The following RBM20 variants were observed in gnomAD, a reference collection of about 807,000 sequenced individuals.
RBM20 encodes RNA binding motif protein 20.
Under a neutral mutation model 110.1 loss-of-function variants are expected in RBM20, and 51 were observed. The observed-to-expected ratio is 0.46, with a 90% CI of 0.37 to 0.59. The LOEUF is 0.59. Ranked by LOEUF, RBM20 falls within the 20% of genes least tolerant of loss-of-function variation. RBM20 has a pLI of 0.00. For missense variants in RBM20, 1,512 were observed against 1,574.9 expected, an observed-to-expected ratio of 0.96 and a Z score of 0.68; for synonymous variants, 589 against 618.2, an observed-to-expected ratio of 0.95 and a Z score of 0.70.
At chr10:110,798,066 A>G (rs1436227304) in intron 6 of RBM20, among the ~76,000 whole-genome samples, 1 of 152,108 alleles carries the variant, frequency 6.6e-6, no homozygotes, top group Non-Finnish European at 1.5e-5. Context: ...GGGACTAGGT[A>G]TTTTTCCTGG....
At chr10:110,816,919 C>G (rs1564662831) in intron 9 of RBM20, among the ~76,000 whole-genome samples, 1 of 152,208 alleles carries the variant, frequency 6.6e-6, no homozygotes. Flanking sequence ...ATATCCTGAG[C>G]TCTCTGGAGA....
At position 110,644,611 on chromosome 10, in the gene RBM20, C is replaced by G; in HGVS notation, c.157C>G (p.Pro53Ala). The change falls in exon 1 of 14, where the codon CCG becomes GCG. Residue 53 changes from proline to alanine, a missense_variant. By Grantham distance (27) the Pro-to-Ala change is conservative. Around this residue, in one of 3 missense-constraint regions of RBM20, gnomAD observed 1,149 missense variants for 1,169.4 expected, o/e 0.98. Coordinates refer to ENST00000369519, the MANE Select transcript of RBM20 (RefSeq NM_001134363.3). This position sits in a 1 kb window ranked among gnomAD's most constrained non-coding sequence, Gnocchi z 4.3. ...GCCGCCGCCGCCCCAGCCACCGCCC[C>G]CGCCCCAAGCCGGCCTACCCCAGAT... ...QPPPPPQPPP[P>A]PQAGLPQIIQ... The G allele has an allele frequency of 2.0e-6, 3 of 1,519,306 alleles. No individual in the cohort carries two copies. The highest frequency in any genetic ancestry group is 2.6e-6 in the Non-Finnish European group (3 of 1,137,178). The allele number at this position is 1,519,306 out of a possible 1,614,324, so 94.1% of individuals were successfully genotyped here. A position where few individuals can be genotyped will look rare whatever the true frequency, so the allele number is the denominator to read the frequency against.
chr10:110,652,158 T>G (rs1861958690), intron 1 of RBM20, among the ~76,000 whole-genome samples: 1 of 152,220 alleles, frequency 6.6e-6, no homozygotes, highest in African/African-American at 2.4e-5. Context: ...ATGCTGCTAT[T>G]TTGCATTGAT....
intron 5 of RBM20, among the ~76,000 whole-genome samples, chr10:110,789,250 T>C (rs1019332073): frequency 3.3e-5 from 5 of 152,146 alleles, no homozygotes; most frequent in Non-Finnish European, 5.9e-5. Flanking sequence ...GAAATGAGCC[T>C]TCAGATTATA....
At position 110,834,181 on chromosome 10, in the gene RBM20, C is replaced by T. The variant is rs143580277; in HGVS notation, c.3574-1687C>T. 7.1e-4 allele frequency among the ~76,000 whole-genome samples: 108 copies of T among 152,296 alleles called. 1 individual carries two copies. The Middle Eastern group carries it at 0.017, about 24-fold the overall frequency. Reference sequence around the variant, plus strand: ...ACCTGCTTGGCTCCAGGCCCTGGAGCGGAATGTGTCCACGTACTGGGCGCT... The same window carrying T: ...ACCTGCTTGGCTCCAGGCCCTGGAGTGGAATGTGTCCACGTACTGGGCGCT... On this transcript the variant is annotated intron_variant, in intron 13 of 13. Coordinates refer to ENST00000369519, the MANE Select transcript of RBM20 (RefSeq NM_001134363.3).
rs544773383 is a variant in RBM20 at position 110,838,227 on chromosome 10, G to A, written c.*2249G>A. ...ATTCTATTTTATAGAATGACATGTT[G>A]CCCAATTCTAGAATCAAAAATAAAG... is the stretch of plus-strand genomic sequence containing the variant. On this transcript the variant is annotated 3_prime_UTR_variant, in exon 14 of 14. Coordinates refer to ENST00000369519, the MANE Select transcript of RBM20 (RefSeq NM_001134363.3). 2.0e-5 allele frequency: 3 copies of A among 152,230 alleles called. No homozygotes were observed. Among genetic ancestry groups the A allele is most frequent in the Non-Finnish European group, 4.4e-5 (3 of 68,010 alleles). 9.4% of individuals were successfully genotyped at this position (152,230 alleles called of 1,614,324 possible).
chr10:110,773,275 G>A (rs1374811791), intron 1 of RBM20, among the ~76,000 whole-genome samples: 2 of 152,192 alleles, frequency 1.3e-5, no homozygotes, highest in East Asian at 3.8e-4. Context: ...CAGATACACA[G>A]ACAGATAGAC....
chr10:110,767,671 C>A (rs1393234775), intron 1 of RBM20, among the ~76,000 whole-genome samples: 1 of 151,166 alleles, frequency 6.6e-6, no homozygotes, highest in South Asian at 2.1e-4. Flanking sequence ...CGGGTAGAGG[C>A]GCTCCTCACA....
Position 110,727,083 on chromosome 10 carries a change from A to G in RBM20, c.192-53718A>G, listed in dbSNP as rs181904854. 4.0e-5 allele frequency among the ~76,000 whole-genome samples: 6 copies of G among 149,074 alleles called. No individual in the cohort carries two copies. In the East Asian group the frequency reaches 5.9e-4, roughly 15 times the overall value. ...GGCTGGTCTCAAACTCCTGACCTCAAGTGATCTGCCTTGGCCTCCCAAAGT... is the reference window on the plus strand; with the variant it reads ...GGCTGGTCTCAAACTCCTGACCTCAGGTGATCTGCCTTGGCCTCCCAAAGT... On this transcript the variant is annotated intron_variant, in intron 1 of 13. Coordinates refer to ENST00000369519, the MANE Select transcript of RBM20 (RefSeq NM_001134363.3).
intron 1 of RBM20, among the ~76,000 whole-genome samples, chr10:110,658,576 C>T (rs1018890354): frequency 6.6e-6 from 1 of 152,094 alleles, no homozygotes; most frequent in South Asian, 2.1e-4. Context: ...TGCCCACTGC[C>T]GTCCCCTTAG....
At chr10:110,687,984 C>T (rs1323627732) in intron 1 of RBM20, among the ~76,000 whole-genome samples, 2 of 146,586 alleles carry the variant, frequency 1.4e-5, no homozygotes, top group African/African-American at 5.2e-5. Flanking sequence ...GAGTGCTACT[C>T]CTAAATGGTT....
At chr10:110,783,329 G>A in intron 2 of RBM20, 37 bp from the exon 3 acceptor site, 3 of 1,514,226 alleles carry the variant, frequency 2.0e-6, no homozygotes, top group Non-Finnish European at 2.7e-6. Context: ...CATGGACTCA[G>A]TTCTACTTTG....
intron 8 of RBM20, among the ~76,000 whole-genome samples, chr10:110,811,428 A>G (rs1467455981): frequency 6.6e-6 from 1 of 152,238 alleles, no homozygotes; most frequent in African/African-American, 2.4e-5. Flanking sequence ...GTAACTGTTC[A>G]GGCTGGGAAT....
At chr10:110,681,167 G>A (rs1862418700) in intron 1 of RBM20, among the ~76,000 whole-genome samples, 2 of 152,288 alleles carry the variant, frequency 1.3e-5, no homozygotes, top group East Asian at 1.9e-4. Flanking sequence ...CCTTGTCAGG[G>A]CTGTGCGAGA....
At chr10:110,705,795 G>A (rs981725536) in intron 1 of RBM20, among the ~76,000 whole-genome samples, 2 of 152,134 alleles carry the variant, frequency 1.3e-5, no homozygotes, top group African/African-American at 2.4e-5. Context: ...GACTACTGAC[G>A]CTTGGCCGGA....
chr10:110,690,252 T>C (rs560757135), intron 1 of RBM20, among the ~76,000 whole-genome samples: 1 of 152,094 alleles, frequency 6.6e-6, no homozygotes, highest in Admixed American at 6.5e-5. Context: ...CTAAAAAAAT[T>C]TAAATTAGCT....
intron 1 of RBM20, among the ~76,000 whole-genome samples, chr10:110,730,758 C>T (rs1024357700): frequency 2.0e-5 from 3 of 152,202 alleles, no homozygotes; most frequent in African/African-American, 7.2e-5. Context: ...GACCTCATGC[C>T]CAGCCCCTCC....
rs1335074391 is a variant in RBM20 at position 110,655,045 on chromosome 10, A to G, written c.191+10400A>G. 3.3e-5 allele frequency among the ~76,000 whole-genome samples: 5 copies of G among 152,234 alleles called. No individual in the cohort carries two copies. In the East Asian group the frequency reaches 7.7e-4, roughly 23 times the overall value. ...ACCCAGGAAAGCTAAGAAAAATAGT[A>G]TTTATGAAAACATGGTGGAATGGGG... On this transcript the variant is annotated intron_variant, in intron 1 of 13. Transcript: ENST00000369519.
rs1185287181 is a variant in RBM20 at position 110,781,360 on chromosome 10, C to T, written c.751C>T (p.Leu251=). The T allele has an allele frequency of 4.5e-6, 7 of 1,551,606 alleles. No individual in the cohort carries two copies. The highest frequency in any genetic ancestry group is 1.2e-5 in the South Asian group (1 of 84,066). ...TGAAACAGATGGTCAGCCTGGCTTC[C>T]TGCCATCCTCGGCCTCAACCTCGGG... ...GPETDGQPGF[L]PSSASTSGSV... Residue 251 remains leucine (L), a synonymous_variant, in exon 2 of 14, where the codon CTG becomes TTG. Transcript: ENST00000369519.
Sources: gnomAD v4.1 joint callset for allele counts (sites outside exome capture counted in the v4.1 genomes callset) on GRCh38, gnomAD v4.1.1 for gene constraint, gnomAD v4.1.1 regional missense constraint, Gnocchi (gnomAD v3.1) non-coding constraint, MANE v1.5 for transcripts, NCBI Gene and HGNC (gene_info 2026-07-23, HGNC 2026-07-21) for gene names.